The following PRKN variants were observed in gnomAD, a reference collection of about 807,000 sequenced individuals.
PRKN encodes parkin RBR E3 ubiquitin protein ligase, also known as E3 ubiquitin-protein ligase parkin.
Under a neutral mutation model 59.5 loss-of-function variants are expected in PRKN, and 56 were observed. The observed-to-expected ratio is 0.94, with a 90% CI of 0.76 to 1.18. The LOEUF (loss-of-function observed/expected upper bound fraction) is 1.18. PRKN is among the 50% of genes most tolerant of loss of function. The pLI, the probability that PRKN is intolerant of heterozygous loss-of-function variation, is 0.00. For synonymous variants in PRKN, 250 were observed against 222.1 expected (o/e 1.13, Z -1.12); for missense variants, 657 against 596.4 (o/e 1.10, Z -1.06).
intron 4 of PRKN, among the ~76,000 whole-genome samples, chr6:162,128,070 T>G (rs1421960732): frequency 6.6e-6 from 1 of 152,206 alleles, no homozygotes; most frequent in Non-Finnish European, 1.5e-5. Flanking sequence ...GGCTCCCTTA[T>G]GCTTATTTCC....
intron 4 of PRKN, among the ~76,000 whole-genome samples, chr6:162,152,518 A>G (rs1782316096): frequency 6.6e-6 from 1 of 152,208 alleles, no homozygotes; most frequent in Non-Finnish European, 1.5e-5. Flanking sequence ...TGACCAAGGC[A>G]TCAGGAACAG....
At chr6:161,655,698 T>A (rs1121036) in intron 7 of PRKN, among the ~76,000 whole-genome samples, 2 of 152,134 alleles carry the variant, frequency 1.3e-5, no homozygotes, top group Admixed American at 1.3e-4. Context: ...CAGAAGTAGC[T>A]AAAAAATGAT....
chr6:161,734,284 C>T (rs556919108), intron 7 of PRKN, among the ~76,000 whole-genome samples: 16 of 152,314 alleles, frequency 1.1e-4, no homozygotes, highest in East Asian at 9.6e-4. Flanking sequence ...TTTCAACCCA[C>T]GGTATTCCAT....
chr6:161,780,052 G>A (rs73601031), intron 7 of PRKN, among the ~76,000 whole-genome samples: 9,931 of 152,230 alleles, frequency 0.065, 817 homozygotes, highest in African/African-American at 0.19. Flanking sequence ...TGTACATTGC[G>A]TGCCTACTGT....
At chr6:162,416,636 T>C (rs754956890) in intron 2 of PRKN, among the ~76,000 whole-genome samples, 1 of 152,258 alleles carries the variant, frequency 6.6e-6, no homozygotes, top group Non-Finnish European at 1.5e-5. Context: ...TTTTGGTTTC[T>C]AGACTATTCC....
chr6:162,319,103 A>T (rs191160208), intron 2 of PRKN, among the ~76,000 whole-genome samples: 167 of 152,146 alleles, frequency 1.1e-3, no homozygotes, highest in African/African-American at 3.9e-3. Flanking sequence ...TTCCTGATTA[A>T]GTCACAAATT....
chr6:162,278,302 A>C (rs912369799), intron 2 of PRKN, among the ~76,000 whole-genome samples: 1 of 152,204 alleles, frequency 6.6e-6, no homozygotes, highest in Non-Finnish European at 1.5e-5. Flanking sequence ...GGAGGGATGA[A>C]TAGAGACAGC....
intron 4 of PRKN, among the ~76,000 whole-genome samples, chr6:162,057,354 A>G (rs1478112550): frequency 6.6e-6 from 1 of 152,204 alleles, no homozygotes; most frequent in African/African-American, 2.4e-5. Context: ...AAAAACAGAA[A>G]TGTGAGGACT....
At chr6:161,783,222 G>A (rs892364815) in intron 7 of PRKN, among the ~76,000 whole-genome samples, 9 of 151,906 alleles carry the variant, frequency 5.9e-5, no homozygotes, top group African/African-American at 2.2e-4. Context: ...TGAAAATTTG[G>A]TAACACTGGA....
In PRKN at chr6:161,518,230, C is replaced by T. The variant is rs111522762; in HGVS notation, c.1083+30624G>A. 4.9e-4 allele frequency among the ~76,000 whole-genome samples: 74 copies of T among 152,368 alleles called. No homozygotes were observed. The highest frequency in any genetic ancestry group is 1.8e-3 in the African/African-American group (73 of 41,590). ...GCAACATAGGTGCATGAGAGGGGGA[C>T]TGCCCCCACCCTGCATATCTGCTGG... On this transcript the variant is annotated intron_variant, in intron 9 of 11. Coordinates refer to ENST00000366898, the MANE Select transcript of PRKN (RefSeq NM_004562.3). This position sits in a 1 kb window ranked among gnomAD's most constrained non-coding sequence, Gnocchi z 5.0.
intron 6 of PRKN, among the ~76,000 whole-genome samples, chr6:161,834,420 G>C (rs1006127114): frequency 3.3e-5 from 5 of 151,994 alleles, no homozygotes; most frequent in African/African-American, 1.2e-4. Flanking sequence ...ACACAGCCCT[G>C]GTCTCCACAG....
chr6:162,495,762 C>T (rs922091543), intron 1 of PRKN, among the ~76,000 whole-genome samples: 5 of 152,158 alleles, frequency 3.3e-5, no homozygotes, highest in African/African-American at 7.2e-5. Context: ...CCATCACCGA[C>T]GTCCACAGGT....
At chr6:161,654,221 AT>A (rs946402372) in intron 7 of PRKN, among the ~76,000 whole-genome samples, 13 of 152,190 alleles carry the variant, frequency 8.5e-5, no homozygotes, top group African/African-American at 2.9e-4. Flanking sequence ...CCAGAGAATC[AT>A]TTTTTATAAA....
intron 1 of PRKN, among the ~76,000 whole-genome samples, chr6:162,516,100 C>T (rs182708863): frequency 2.0e-5 from 3 of 152,324 alleles, no homozygotes; most frequent in East Asian, 1.9e-4. Flanking sequence ...TCGCCAGTTC[C>T]GTCTTTGCAC....
At chr6:162,310,399 T>C (rs1222531709) in intron 2 of PRKN, among the ~76,000 whole-genome samples, 1 of 152,094 alleles carries the variant, frequency 6.6e-6, no homozygotes, top group Non-Finnish European at 1.5e-5. Context: ...AAGCAGAGGA[T>C]GCCAGAAGCA....
chr6:162,147,332 G>A (rs1782072052), intron 4 of PRKN, among the ~76,000 whole-genome samples: 2 of 126,730 alleles, frequency 1.6e-5, no homozygotes, highest in Middle Eastern at 4.4e-3. Flanking sequence ...GACAGAGGAA[G>A]ACTCTGTCTC....
rs1562444610 is a variant in PRKN, at chr6:161,431,968, C to G, written c.1084-45091G>C. On this transcript the variant is annotated intron_variant, in intron 9 of 11. Coordinates refer to ENST00000366898, the MANE Select transcript of PRKN (RefSeq NM_004562.3). ...ACGTTTAAGCTTTTCACTTTCTTGA[C>G]AATGTTTGATCATGAATAAAGTTAT... 2.6e-5 allele frequency among the ~76,000 whole-genome samples: 4 copies of G among 152,310 alleles called. 1 individual carries two copies. In the South Asian group the frequency reaches 8.3e-4, roughly 32 times the overall value.
In PRKN at chr6:161,397,962, T is replaced by C. The variant is rs1413518474; in HGVS notation, c.1084-11085A>G. 5.3e-5 allele frequency among the ~76,000 whole-genome samples: 8 copies of C among 152,116 alleles called. No individual in the cohort carries two copies. The highest frequency in any genetic ancestry group is 2.4e-5 in the African/African-American group (1 of 41,412). ...TCACAACAGAGAGCTCTGAATCAGTTTGAAAACAGCAAAAGATGATGAAAA... is the reference window on the plus strand; with the variant it reads ...TCACAACAGAGAGCTCTGAATCAGTCTGAAAACAGCAAAAGATGATGAAAA... On this transcript the variant is annotated intron_variant, in intron 9 of 11. Coordinates refer to ENST00000366898, the MANE Select transcript of PRKN (RefSeq NM_004562.3). The surrounding 1 kb of genome is among the most constrained non-coding windows in gnomAD (Gnocchi z 4.2).
Position 161,394,040 on chromosome 6 carries a change from A to C in PRKN, c.1084-7163T>G, listed in dbSNP as rs543359711. Among the ~76,000 whole-genome samples the C allele has an allele frequency of 2.4e-3, 372 of 152,330 alleles. 2 individuals carry two copies. The highest frequency in any genetic ancestry group is 4.1e-3 in the Non-Finnish European group (276 of 68,032). Reference sequence around the variant, plus strand: ...CGTAAGTCCAGCCTCTGTAAAGGGAATCTATCAAGAGAGGAAGTCTCCCTA... The same window carrying C: ...CGTAAGTCCAGCCTCTGTAAAGGGACTCTATCAAGAGAGGAAGTCTCCCTA... On this transcript the variant is annotated intron_variant, in intron 9 of 11. Coordinates refer to ENST00000366898, the MANE Select transcript of PRKN (RefSeq NM_004562.3).
Sources: allele counts gnomAD v4.1 joint callset (sites outside exome capture counted in the v4.1 genomes callset), GRCh38; gene constraint gnomAD v4.1.1; non-coding constraint Gnocchi (gnomAD v3.1); transcripts MANE v1.5; gene names NCBI Gene and HGNC (gene_info 2026-07-23, HGNC 2026-07-21).